GULP1: variants seen among roughly 807,000 people sequenced by gnomAD.
GULP1 encodes PTB domain-containing engulfment adapter protein 1.
GULP1 carries 19 observed loss-of-function variants against 40.9 expected under a neutral mutation model. That is an observed-to-expected ratio of 0.46 (90% CI 0.32 to 0.68). GULP1 has a LOEUF of 0.68. GULP1 is among the 30% of genes least tolerant of loss of function. The probability of loss-of-function intolerance (pLI) is 0.03; values close to 1 mark genes in which losing one functional copy is unlikely to be tolerated. For synonymous variants in GULP1, 119 were observed against 117.6 expected (o/e 1.01, Z -0.08); for missense variants, 312 against 362.2 (o/e 0.86, Z 1.12).
chr2:188,589,919 T>C (rs986980652), intron 11 of GULP1: 1 of 401,904 alleles, frequency 2.5e-6, no homozygotes, highest in African/African-American at 2.1e-5. Flanking sequence ...TTTAAGATTA[T>C]TTTTCAGTGA....
intron 1 of GULP1, among the ~76,000 whole-genome samples, chr2:188,360,443 G>GTT (rs879498926): frequency 6.8e-6 from 1 of 146,098 alleles, no homozygotes. Context: ...AGTATTTCAA[G>GTT]TTTTTTTTTT....
chr2:188,359,297 C>G (rs914034520), intron 1 of GULP1, among the ~76,000 whole-genome samples: 4 of 151,972 alleles, frequency 2.6e-5, no homozygotes, highest in Non-Finnish European at 5.9e-5. Flanking sequence ...TAGTGATGAG[C>G]AAAGAAGATG....
intron 3 of GULP1, among the ~76,000 whole-genome samples, chr2:188,478,318 A>T (rs562807468): frequency 1.3e-5 from 2 of 152,264 alleles, no homozygotes; most frequent in South Asian, 4.1e-4. Flanking sequence ...GCAGAAAAAC[A>T]TGGCATTTGA....
chr2:188,343,876 C>T lies in GULP1; in HGVS notation c.-171-39887C>T, dbSNP rs1017818183. Among the ~76,000 whole-genome samples, 5 of 152,220 alleles carry T rather than the reference C, an allele frequency of 3.3e-5. No individual in the cohort carries two copies. The South Asian group carries it at 8.3e-4, about 25-fold the overall frequency. On this transcript the variant is annotated intron_variant, in intron 1 of 11. Transcript: ENST00000409830. ...GGAGTGTAGTGGCGTGATCTCGGCT[C>T]ACTACAACCTTCACCTCCCAGGTTC...
At chr2:188,427,305 C>A (rs766576318) in intron 2 of GULP1, among the ~76,000 whole-genome samples, 24 of 152,168 alleles carry the variant, frequency 1.6e-4, no homozygotes, top group Admixed American at 9.8e-4. Context: ...TGCAGCCTAG[C>A]CCATTTTCTG....
At chr2:188,486,152 G>T (rs567131223) in intron 4 of GULP1, among the ~76,000 whole-genome samples, 1 of 151,988 alleles carries the variant, frequency 6.6e-6, no homozygotes, top group Admixed American at 6.6e-5. Flanking sequence ...ATTTTAGGAA[G>T]ATAAATCGGT....
chr2:188,485,921 A>G (rs780084295), intron 4 of GULP1, among the ~76,000 whole-genome samples: 2 of 152,028 alleles, frequency 1.3e-5, no homozygotes, highest in Non-Finnish European at 2.9e-5. Flanking sequence ...TAATCTTTAC[A>G]TAAAGTGAAC....
chr2:188,416,208 C>G (rs1013456038), intron 2 of GULP1, among the ~76,000 whole-genome samples: 3 of 151,842 alleles, frequency 2.0e-5, no homozygotes, highest in African/African-American at 7.3e-5. Context: ...TTTTTTTCTC[C>G]CTTCCCCTGT....
intron 2 of GULP1, among the ~76,000 whole-genome samples, chr2:188,400,065 A>G (rs1248707019): frequency 1.3e-5 from 2 of 152,178 alleles, no homozygotes; most frequent in Non-Finnish European, 2.9e-5. Flanking sequence ...ATTGTATAAC[A>G]GTTATGGAGG....
chr2:188,443,867 A>G (rs2058158540), intron 2 of GULP1, among the ~76,000 whole-genome samples: 1 of 152,040 alleles, frequency 6.6e-6, no homozygotes, highest in Admixed American at 6.6e-5. Context: ...TTCTAATTAT[A>G]ATTTAGGGTG....
At position 188,292,705 on chromosome 2, in the gene GULP1, G is replaced by A. The variant is rs1182521717; in HGVS notation, c.-172+539G>A. 1 of 152,732 alleles carries A rather than the reference G, an allele frequency of 6.5e-6. No homozygotes were observed. The highest frequency in any genetic ancestry group is 1.9e-4 in the East Asian group (1 of 5,186). 9.5% of individuals were successfully genotyped at this position (152,732 alleles called of 1,614,324 possible). On this transcript the variant is annotated intron_variant, in intron 1 of 11. Transcript: ENST00000409830. The surrounding 1 kb of genome is among the most constrained non-coding windows in gnomAD (Gnocchi z 4.0). Reference sequence around the variant, plus strand: ...GCGCTGGGAGAGAATGTGGGCATGGGGGTGGGGAGGCGCGAAGCTCCGAGG... The same window carrying A: ...GCGCTGGGAGAGAATGTGGGCATGGAGGTGGGGAGGCGCGAAGCTCCGAGG...
At chr2:188,508,267 G>C (rs2064135029) in intron 4 of GULP1, among the ~76,000 whole-genome samples, 1 of 151,978 alleles carries the variant, frequency 6.6e-6, no homozygotes, top group Admixed American at 6.6e-5. Context: ...TTGACTTCAA[G>C]TGTTGAGAAA....
chr2:188,446,043 A>G (rs184467664), intron 2 of GULP1, among the ~76,000 whole-genome samples: 9 of 152,286 alleles, frequency 5.9e-5, no homozygotes, highest in African/African-American at 2.2e-4. Flanking sequence ...CAATGAGTCC[A>G]CCATCTCCTA....
At chr2:188,506,518 CTT>C (rs1048155127) in intron 4 of GULP1, among the ~76,000 whole-genome samples, 28 of 152,072 alleles carry the variant, frequency 1.8e-4, no homozygotes, top group African/African-American at 6.5e-4. Flanking sequence ...TAAATACTAA[CTT>C]ATTAAATCCT....
intron 2 of GULP1, among the ~76,000 whole-genome samples, chr2:188,460,049 T>C (rs1041662449): frequency 1.3e-5 from 2 of 152,224 alleles, no homozygotes; most frequent in Non-Finnish European, 2.9e-5. Flanking sequence ...GCTATAGCAT[T>C]GTAGTACAAT....
At chr2:188,496,852 A>C (rs1339541726) in intron 4 of GULP1, among the ~76,000 whole-genome samples, 1 of 151,850 alleles carries the variant, frequency 6.6e-6, no homozygotes, top group East Asian at 1.9e-4. Flanking sequence ...AGAGTGAGTT[A>C]TGGCAAGATC....
intron 9 of GULP1, among the ~76,000 whole-genome samples, chr2:188,582,026 A>G (rs887534897): frequency 2.6e-5 from 4 of 152,134 alleles, no homozygotes; most frequent in Non-Finnish European, 4.4e-5. Flanking sequence ...CCTCTCCAAA[A>G]TAAATCTTCA....
chr2:188,425,409 C>T (rs1432728923), intron 2 of GULP1, among the ~76,000 whole-genome samples: 1 of 152,050 alleles, frequency 6.6e-6, no homozygotes, highest in Non-Finnish European at 1.5e-5. Flanking sequence ...TGAACTAAGA[C>T]TTTGTACCAC....
intron 2 of GULP1, among the ~76,000 whole-genome samples, chr2:188,460,089 TTTG>T (rs2059580131): frequency 6.6e-6 from 1 of 152,162 alleles, no homozygotes; most frequent in Non-Finnish European, 1.5e-5. Flanking sequence ...TTCCTCCATT[TTTG>T]TTCTTTTTGC....
Sources: allele counts gnomAD v4.1 joint callset (sites outside exome capture counted in the v4.1 genomes callset), GRCh38; gene constraint gnomAD v4.1.1; non-coding constraint Gnocchi (gnomAD v3.1); transcripts MANE v1.5; gene names NCBI Gene and HGNC (gene_info 2026-07-23, HGNC 2026-07-21).